Variants in STK10 observed in about 807,000 individuals in gnomAD.
STK10 encodes serine/threonine kinase 10, also known as serine/threonine-protein kinase 10.
Under a neutral mutation model 113.8 loss-of-function variants are expected in STK10, and 78 were observed. The ratio of observed to expected loss-of-function variants is 0.69; its 90% CI spans 0.57 to 0.83. The LOEUF is 0.83. Among genes scored for constraint, STK10 ranks in the 40% least tolerant of loss-of-function variants. STK10 has a pLI of 0.00. For missense variants in STK10, 1,109 were observed against 1,280.1 expected, an observed-to-expected ratio of 0.87 and a Z score of 2.04; for synonymous variants, 465 against 494.7, an observed-to-expected ratio of 0.94 and a Z score of 0.80.
At chr5:172,070,025 A>C (rs896047531) in intron 12 of STK10, among the ~76,000 whole-genome samples, 2 of 152,212 alleles carry the variant, frequency 1.3e-5, no homozygotes, top group East Asian at 3.8e-4. Flanking sequence ...AGGCATGTGG[A>C]TCACCTGAGG....
chr5:172,064,605 A>C, intron 13 of STK10, 115 bp downstream of exon 13: 1 of 1,071,718 alleles, frequency 9.3e-7, no homozygotes, highest in Non-Finnish European at 1.4e-6. Context: ...AGATTTAGGT[A>C]TTCAGAACGG....
At chr5:172,091,626 A>C (rs111607020) in intron 9 of STK10, among the ~76,000 whole-genome samples, 10 of 150,272 alleles carry the variant, frequency 6.7e-5, no homozygotes, top group African/African-American at 2.5e-4. Flanking sequence ...TGCCTCCCGG[A>C]TTCAAGTGAT....
intron 1 of STK10, among the ~76,000 whole-genome samples, chr5:172,163,400 C>G (rs1322906031): frequency 6.6e-6 from 1 of 152,190 alleles, no homozygotes; most frequent in Non-Finnish European, 1.5e-5. Context: ...GCTCCCTGTT[C>G]TATCTCCCTT....
intron 1 of STK10, among the ~76,000 whole-genome samples, 196 bp from the exon 2 acceptor site, chr5:172,156,984 A>T (rs1770362037): frequency 6.6e-6 from 1 of 152,196 alleles, no homozygotes; most frequent in Admixed American, 6.5e-5. Flanking sequence ...CCCCTACAAC[A>T]CTATGGAATA....
chr5:172,107,030 G>A, intron 5 of STK10: 1 of 314,894 alleles, frequency 3.2e-6, no homozygotes, highest in Non-Finnish European at 6.0e-6. Context: ...CTGCAGTTCC[G>A]ATGCCTACCG....
chr5:172,109,600 A>G (rs1769190249), intron 4 of STK10, among the ~76,000 whole-genome samples: 1 of 152,136 alleles, frequency 6.6e-6, no homozygotes. Context: ...AGGCACCAGG[A>G]CCGGCCAATA....
chr5:172,179,567 C>A (rs927194506), intron 1 of STK10, among the ~76,000 whole-genome samples: 2 of 152,192 alleles, frequency 1.3e-5, no homozygotes, highest in Admixed American at 1.3e-4. Flanking sequence ...ATTCCCAGAA[C>A]GGCCAGTGTG....
Position 172,106,700 on chromosome 5 carries a change from TG to T in STK10, c.707del (p.Pro236HisfsTer12). Reference sequence around the variant, plus strand: ...CCCGCATGGGGTTGAGCTCGTGGTGTGGCGGCTCGATCTGGGCCATCTCAAT... The same window carrying T: ...CCCGCATGGGGTTGAGCTCGTGGTGTGCGGCTCGATCTGGGCCATCTCAAT... ...TLIEMAQIEP[P>X]HHELNPMRVL... On this transcript the variant is annotated frameshift_variant, in exon 6 of 19. Coordinates refer to ENST00000176763, the MANE Select transcript of STK10 (RefSeq NM_005990.4). LOFTEE classifies it high-confidence loss of function. The T allele has an allele frequency of 6.2e-7, 1 of 1,614,040 alleles. No homozygotes were observed. Among genetic ancestry groups the T allele is most frequent in the Non-Finnish European group, 8.5e-7 (1 of 1,180,012 alleles).
At chr5:172,145,706 T>C (rs1200811101) in intron 2 of STK10, among the ~76,000 whole-genome samples, 1 of 152,160 alleles carries the variant, frequency 6.6e-6, no homozygotes, top group Non-Finnish European at 1.5e-5. Flanking sequence ...TTGGGACAAG[T>C]AACTTCGGAG....
At position 172,179,282 on chromosome 5, in the gene STK10, G is replaced by A. The variant is rs545095654; in HGVS notation, c.156+8605C>T. On this transcript the variant is annotated intron_variant, in intron 1 of 18. Transcript: ENST00000176763. Reference sequence around the variant, plus strand: ...GAGGAGGAGGTGGTCACCTATTTGGGGTTCAAATAGGGCCAGGACTAGGAC... The same window carrying A: ...GAGGAGGAGGTGGTCACCTATTTGGAGTTCAAATAGGGCCAGGACTAGGAC... Among the ~76,000 whole-genome samples, 203 of 152,200 alleles carry A rather than the reference G, an allele frequency of 1.3e-3. 1 individual carries two copies. Among genetic ancestry groups the A allele is most frequent in the Admixed American group, 5.4e-3 (83 of 15,278 alleles).
intron 1 of STK10, among the ~76,000 whole-genome samples, chr5:172,166,286 C>T (rs1184403698): frequency 1.3e-5 from 2 of 152,180 alleles, no homozygotes; most frequent in Non-Finnish European, 2.9e-5. Flanking sequence ...TGTGGAACAC[C>T]TGGAGACAGC....
intron 3 of STK10, among the ~76,000 whole-genome samples, chr5:172,126,166 G>C (rs1241954966): frequency 1.3e-5 from 2 of 152,202 alleles, no homozygotes; most frequent in South Asian, 2.1e-4. Flanking sequence ...AGCATGAGCC[G>C]GGGATGCTGC....
chr5:172,119,684 G>A (rs1044390525), intron 3 of STK10, among the ~76,000 whole-genome samples: 1 of 150,818 alleles, frequency 6.6e-6, no homozygotes, highest in Non-Finnish European at 1.5e-5. Flanking sequence ...CTAAAACGGT[G>A]AAACCCCGTC....
In STK10 at chr5:172,044,201, T is replaced by A. The variant is rs1361545501; in HGVS notation, c.*681A>T. On this transcript the variant is annotated 3_prime_UTR_variant, in exon 19 of 19. Coordinates refer to ENST00000176763, the MANE Select transcript of STK10 (RefSeq NM_005990.4). This position sits in a 1 kb window ranked among gnomAD's most constrained non-coding sequence, Gnocchi z 4.5. ...CTGTGTGTACGCGTATGTGTGTGCA[T>A]TCACACCCATGTGCAGGAAGGGGGA... The A allele has an allele frequency of 6.5e-6, 1 of 154,552 alleles. No homozygotes were observed. The highest frequency in any genetic ancestry group is 2.4e-5 in the African/African-American group (1 of 41,442). 9.6% of individuals were successfully genotyped at this position (154,552 alleles called of 1,614,324 possible).
chr5:172,184,470 T>C (rs377227866), intron 1 of STK10, among the ~76,000 whole-genome samples: 9 of 152,128 alleles, frequency 5.9e-5, no homozygotes, highest in East Asian at 5.8e-4. Flanking sequence ...GGGGTTGGCT[T>C]AGGTCAGAGG....
intron 10 of STK10, among the ~76,000 whole-genome samples, chr5:172,089,582 T>C (rs1232176362): frequency 2.6e-5 from 4 of 151,782 alleles, no homozygotes; most frequent in Admixed American, 1.3e-4. Context: ...GATAAATGGA[T>C]AGAAGGATAA....
At chr5:172,108,613 C>CA (rs1184891478) in intron 4 of STK10, among the ~76,000 whole-genome samples, 1,657 of 64,386 alleles carry the variant, frequency 0.026, 16 homozygotes, top group East Asian at 0.034. Flanking sequence ...GAGACTGTCT[C>CA]AAAAAAAAAA....
intron 2 of STK10, among the ~76,000 whole-genome samples, chr5:172,153,246 A>G (rs1046543000): frequency 6.7e-6 from 1 of 149,350 alleles, no homozygotes; most frequent in East Asian, 2.0e-4. Flanking sequence ...AAATCGCGCC[A>G]TTGCACTCCA....
chr5:172,148,738 C>T (rs1020529552), intron 2 of STK10, among the ~76,000 whole-genome samples: 2 of 152,236 alleles, frequency 1.3e-5, no homozygotes, highest in African/African-American at 2.4e-5. Context: ...TGCCCAGAGC[C>T]TGGCACCCAG....
Sources: gnomAD v4.1 joint callset for allele counts (sites outside exome capture counted in the v4.1 genomes callset) on GRCh38, gnomAD v4.1.1 for gene constraint, Gnocchi (gnomAD v3.1) non-coding constraint, MANE v1.5 for transcripts, NCBI Gene and HGNC (gene_info 2026-07-23, HGNC 2026-07-21) for gene names.